The following VIPR2 variants were observed in gnomAD, a reference collection of about 807,000 sequenced individuals.
VIPR2 encodes the protein vasoactive intestinal peptide receptor 2, also known as vasoactive intestinal polypeptide receptor 2.
VIPR2 carries 48 observed loss-of-function variants against 58.0 expected under a neutral mutation model. The observed-to-expected ratio is 0.83, with a 90% CI of 0.66 to 1.05. The LOEUF (loss-of-function observed/expected upper bound fraction) is 1.05, where lower values mean the gene tolerates loss of function less well. Ranked by LOEUF, VIPR2 falls within the 50% of genes least tolerant of loss-of-function variation. VIPR2 has a pLI of 0.00. For missense variants in VIPR2, 534 were observed against 558.0 expected, an observed-to-expected ratio of 0.96 and a Z score of 0.43; for synonymous variants, 243 against 235.2, an observed-to-expected ratio of 1.03 and a Z score of -0.30.
chr7:159,101,487 C>T lies in VIPR2; in HGVS notation c.357+2270G>A, dbSNP rs563737442. Among the ~76,000 whole-genome samples the T allele has an allele frequency of 3.9e-3, 473 of 121,976 alleles. 17 individuals carry two copies. The highest frequency in any genetic ancestry group is 0.015 in the African/African-American group (444 of 29,440). 80.0% of individuals were successfully genotyped at this position (121,976 alleles called of 152,430 possible). The stretch of plus-strand genomic sequence containing the variant: ...TGAGTCTCACGAGATCCGACAAGGC[C>T]GTTCCCCCGACCGTTCCTGTGGTAG... On this transcript the variant is annotated intron_variant, in intron 4 of 12. Coordinates refer to ENST00000262178, the MANE Select transcript of VIPR2 (RefSeq NM_003382.5).
chr7:159,061,198 G>A (rs1855627823), intron 4 of VIPR2, among the ~76,000 whole-genome samples: 1 of 152,142 alleles, frequency 6.6e-6, no homozygotes. Context: ...GAGAAATGGA[G>A]GGAGAAACGG....
At chr7:159,113,340 C>A (rs920932963) in intron 2 of VIPR2, among the ~76,000 whole-genome samples, 2 of 152,198 alleles carry the variant, frequency 1.3e-5, no homozygotes, top group Non-Finnish European at 2.9e-5. Flanking sequence ...CTGTCACATA[C>A]CCCCTGGCTT....
intron 8 of VIPR2, among the ~76,000 whole-genome samples, chr7:159,035,224 G>T (rs115468109): frequency 6.6e-6 from 1 of 152,164 alleles, no homozygotes; most frequent in Non-Finnish European, 1.5e-5. Flanking sequence ...TCCATTGCAG[G>T]CTTGGGTCCA....
rs1857967261 is a variant in VIPR2, at chr7:159,097,984, C to A, written c.357+5773G>T. On this transcript the variant is annotated intron_variant, in intron 4 of 12. Coordinates refer to ENST00000262178, the MANE Select transcript of VIPR2 (RefSeq NM_003382.5). The surrounding 1 kb of genome is among the most constrained non-coding windows in gnomAD (Gnocchi z 5.3). ...GGCAGGGTCTCAGCCCCCACACAGA[C>A]CCACTGGGCCAGAGCCCGCACCACG... 1.3e-5 allele frequency among the ~76,000 whole-genome samples: 2 copies of A among 152,312 alleles called. No individual in the cohort carries two copies. Among genetic ancestry groups the A allele is most frequent in the Admixed American group, 6.5e-5 (1 of 15,306 alleles).
chr7:159,109,306 A>G (rs544321302), intron 3 of VIPR2, among the ~76,000 whole-genome samples: 1 of 152,210 alleles, frequency 6.6e-6, no homozygotes, highest in Non-Finnish European at 1.5e-5. Context: ...AAGCCCAGAG[A>G]AACTGCAAAT....
At chr7:159,052,022 T>C (rs1030037400) in intron 5 of VIPR2, among the ~76,000 whole-genome samples, 1 of 152,174 alleles carries the variant, frequency 6.6e-6, no homozygotes, top group African/African-American at 2.4e-5. Context: ...GAATGACCTA[T>C]GTAGCACATA....
chr7:159,075,683 G>A (rs1469239827), intron 4 of VIPR2, among the ~76,000 whole-genome samples: 1 of 151,394 alleles, frequency 6.6e-6, no homozygotes, highest in Admixed American at 6.6e-5. Context: ...AGTAGCCCAG[G>A]GCTGGCACCA....
intron 2 of VIPR2, among the ~76,000 whole-genome samples, chr7:159,135,008 T>G (rs1279033750): frequency 8.3e-6 from 1 of 119,880 alleles, no homozygotes; most frequent in South Asian, 2.7e-4. Flanking sequence ...ACAAAAGTTT[T>G]TTTTTTTTTT....
chr7:159,048,454 T>C (rs1386428332), intron 5 of VIPR2, among the ~76,000 whole-genome samples: 1 of 152,244 alleles, frequency 6.6e-6, no homozygotes, highest in African/African-American at 2.4e-5. Context: ...TTTTCAACTG[T>C]AAATTTTAAA....
At chr7:159,144,163 A>T (rs1003924372) in intron 1 of VIPR2, 138 of 780,524 alleles carry the variant, frequency 1.8e-4, no homozygotes, top group Non-Finnish European at 2.1e-4. Context: ...AATAATTCAG[A>T]ACTCCATGTG....
chr7:159,091,416 A>G (rs1270175027), intron 4 of VIPR2, among the ~76,000 whole-genome samples: 1 of 152,230 alleles, frequency 6.6e-6, no homozygotes, highest in African/African-American at 2.4e-5. Context: ...AGAGTTCAGC[A>G]TGGTGCCAGG....
chr7:159,131,568 A>G (rs1037075558), intron 2 of VIPR2, among the ~76,000 whole-genome samples: 2 of 152,146 alleles, frequency 1.3e-5, no homozygotes, highest in Non-Finnish European at 2.9e-5. Context: ...TCCCCACAGG[A>G]CTTTGCTGCT....
intron 4 of VIPR2, among the ~76,000 whole-genome samples, chr7:159,081,409 AG>A: frequency 6.6e-6 from 1 of 152,376 alleles, no homozygotes; most frequent in Non-Finnish European, 1.5e-5. Context: ...AAAACTGGCT[AG>A]CCATATGTAG....
At chr7:159,110,392 T>C (rs17837875) in intron 2 of VIPR2, among the ~76,000 whole-genome samples, 28,065 of 152,230 alleles carry the variant, frequency 0.18, 2,651 homozygotes, top group African/African-American at 0.21. Flanking sequence ...GTTACCTTCA[T>C]GGAGTTGTCA....
intron 4 of VIPR2, among the ~76,000 whole-genome samples, chr7:159,063,982 C>G (rs1855925465): frequency 6.6e-6 from 1 of 151,218 alleles, no homozygotes; most frequent in South Asian, 2.1e-4. Flanking sequence ...ACCCGGTGCT[C>G]ACACCGGGCT....
At chr7:159,035,647 C>T (rs939556428) in intron 8 of VIPR2, 4 of 978,980 alleles carry the variant, frequency 4.1e-6, no homozygotes, top group Non-Finnish European at 4.9e-6. Context: ...GGGCACTTGG[C>T]TTTCTTCTGT....
chr7:159,105,191 GCA>G (rs1190064453), intron 3 of VIPR2, among the ~76,000 whole-genome samples: 1 of 152,128 alleles, frequency 6.6e-6, no homozygotes, highest in African/African-American at 2.4e-5. Context: ...ATAAAACCAG[GCA>G]CTGAACGCCG....
chr7:159,094,737 C>T (rs533418902), intron 4 of VIPR2, among the ~76,000 whole-genome samples: 2 of 152,220 alleles, frequency 1.3e-5, no homozygotes, highest in Non-Finnish European at 2.9e-5. Flanking sequence ...CCGTGCCACA[C>T]ACCTTATTTT....
At chr7:159,061,777 A>G (rs539193657) in intron 4 of VIPR2, among the ~76,000 whole-genome samples, 2 of 152,332 alleles carry the variant, frequency 1.3e-5, no homozygotes, top group African/African-American at 2.4e-5. Flanking sequence ...GACAGACAGG[A>G]AAGACGGCTT....
Sources: gnomAD v4.1 joint callset for allele counts (sites outside exome capture counted in the v4.1 genomes callset) on GRCh38, gnomAD v4.1.1 for gene constraint, Gnocchi (gnomAD v3.1) non-coding constraint, MANE v1.5 for transcripts, NCBI Gene and HGNC (gene_info 2026-07-23, HGNC 2026-07-21) for gene names.